RBPMS: variants seen among roughly 807,000 people sequenced by gnomAD.
RBPMS encodes the protein RNA binding protein, mRNA processing factor.
A neutral mutation model predicts 26.8 loss-of-function variants in RBPMS; 7 were observed. The observed-to-expected ratio is 0.26, with a 90% CI of 0.15 to 0.49. The LOEUF (loss-of-function observed/expected upper bound fraction) is 0.49, where lower values mean the gene tolerates loss of function less well. Among genes scored for constraint, RBPMS ranks in the 20% least tolerant of loss-of-function variants. The pLI, the probability that RBPMS is intolerant of heterozygous loss-of-function variation, is 0.98. For missense variants in RBPMS, 186 were observed against 250.0 expected (o/e 0.74, Z 1.73); for synonymous variants, 96 against 93.3 (o/e 1.03, Z -0.17).
At chr8:30,494,746 C>T (rs1019397747) in intron 4 of RBPMS, among the ~76,000 whole-genome samples, 1 of 152,136 alleles carries the variant, frequency 6.6e-6, no homozygotes, top group Non-Finnish European at 1.5e-5. Context: ...TTTCTCGATA[C>T]CTTTGCCAGT....
chr8:30,430,476 A>G (rs962936493), intron 1 of RBPMS, among the ~76,000 whole-genome samples: 11 of 152,330 alleles, frequency 7.2e-5, no homozygotes, highest in African/African-American at 2.2e-4. Flanking sequence ...TTTGTAAAGA[A>G]AACATCTTGT....
At position 30,441,296 on chromosome 8, in the gene RBPMS, C is replaced by T. The variant is rs578169258; in HGVS notation, c.67-33483C>T. ...CACTGTTTTGGGGTTTTTAAACTTACAGCGGGTCTGGTGCAGTGTATCATT... is the reference window on the plus strand; with the variant it reads ...CACTGTTTTGGGGTTTTTAAACTTATAGCGGGTCTGGTGCAGTGTATCATT... On this transcript the variant is annotated intron_variant, in intron 1 of 8. Coordinates refer to ENST00000397323, the MANE Select transcript of RBPMS (RefSeq NM_001008710.3). Among the ~76,000 whole-genome samples, 7 of 152,254 alleles carry T rather than the reference C, an allele frequency of 4.6e-5. No individual in the cohort carries two copies. In the East Asian group the frequency reaches 1.4e-3, roughly 29 times the overall value.
At chr8:30,461,388 AGT>A (rs755661065) in intron 1 of RBPMS, among the ~76,000 whole-genome samples, 1 of 152,036 alleles carries the variant, frequency 6.6e-6, no homozygotes, top group Non-Finnish European at 1.5e-5. Flanking sequence ...TTTCACATAC[AGT>A]GTGTTTGTTT....
intron 6 of RBPMS, chr8:30,556,577 A>G: frequency 1.0e-6 from 1 of 985,210 alleles, no homozygotes; most frequent in African/African-American, 1.8e-5. Flanking sequence ...CCCAACCCAC[A>G]CCCAGGCCGC....
chr8:30,468,127 A>T (rs1295945839), intron 1 of RBPMS, among the ~76,000 whole-genome samples: 2 of 152,170 alleles, frequency 1.3e-5, no homozygotes, highest in South Asian at 2.1e-4. Flanking sequence ...ATATCTACTT[A>T]CTCAGCTTTT....
intron 1 of RBPMS, among the ~76,000 whole-genome samples, chr8:30,452,303 G>A (rs1487973116): frequency 6.6e-6 from 1 of 152,198 alleles, no homozygotes; most frequent in Non-Finnish European, 1.5e-5. Flanking sequence ...AGTAACTCAT[G>A]TTTGATGTAC....
intron 1 of RBPMS, among the ~76,000 whole-genome samples, chr8:30,408,213 C>T (rs16876935): frequency 0.017 from 2,620 of 152,248 alleles, 70 homozygotes; most frequent in African/African-American, 0.059. Context: ...CCATCTAACA[C>T]GAATGGCAGA....
At chr8:30,493,424 A>G (rs1381489731) in intron 4 of RBPMS, among the ~76,000 whole-genome samples, 1 of 152,194 alleles carries the variant, frequency 6.6e-6, no homozygotes, top group Non-Finnish European at 1.5e-5. Context: ...CTGCAATGAA[A>G]GGGACTACTG....
At chr8:30,467,161 A>G (rs925487366) in intron 1 of RBPMS, among the ~76,000 whole-genome samples, 11 of 152,244 alleles carry the variant, frequency 7.2e-5, no homozygotes, top group African/African-American at 2.7e-4. Context: ...TAATGGTTGC[A>G]GTAATCCATT....
At chr8:30,479,228 T>C in intron 3 of RBPMS, 87 bp from the exon 4 acceptor site, 1 of 944,368 alleles carries the variant, frequency 1.1e-6, no homozygotes. Flanking sequence ...TTCTTTATCT[T>C]AGCTCTTCAG....
chr8:30,538,936 A>G (rs1825098194), intron 5 of RBPMS, among the ~76,000 whole-genome samples: 1 of 152,170 alleles, frequency 6.6e-6, no homozygotes, highest in Non-Finnish European at 1.5e-5. Context: ...GCCCTGCACC[A>G]CGGGAGCTGG....
At chr8:30,462,711 G>A (rs544142021) in intron 1 of RBPMS, among the ~76,000 whole-genome samples, 8 of 152,264 alleles carry the variant, frequency 5.3e-5, no homozygotes, top group Middle Eastern at 3.4e-3. Context: ...ACAGACGTGA[G>A]CCACTGTGCC....
intron 4 of RBPMS, among the ~76,000 whole-genome samples, chr8:30,491,313 T>G (rs2150887936): frequency 6.6e-6 from 1 of 152,344 alleles, no homozygotes; most frequent in South Asian, 2.1e-4. Flanking sequence ...TGTCAAGTTG[T>G]ACAGTTTGAA....
intron 5 of RBPMS, among the ~76,000 whole-genome samples, chr8:30,507,722 C>T (rs754793675): frequency 2.6e-5 from 4 of 152,120 alleles, no homozygotes; most frequent in Non-Finnish European, 5.9e-5. Context: ...TTAGATTGTG[C>T]ATTAGGTTGT....
At chr8:30,552,482 C>T (rs941717224) in intron 6 of RBPMS, 14 of 152,192 alleles carry the variant, frequency 9.2e-5, no homozygotes, top group Non-Finnish European at 1.3e-4. Flanking sequence ...GAAAGTGGGA[C>T]ACCCCAACTT....
chr8:30,537,675 G>C, intron 5 of RBPMS: 1 of 455,758 alleles, frequency 2.2e-6, no homozygotes, highest in East Asian at 6.9e-5. Context: ...CTCTGTGAGA[G>C]TCGTTGGGCT....
chr8:30,492,699 A>G (rs1819522013), intron 4 of RBPMS, among the ~76,000 whole-genome samples: 1 of 152,224 alleles, frequency 6.6e-6, no homozygotes. Flanking sequence ...ATGAATTTGC[A>G]CATAAACCCC....
intron 5 of RBPMS, among the ~76,000 whole-genome samples, chr8:30,543,789 C>T (rs901820763): frequency 6.6e-6 from 1 of 152,160 alleles, no homozygotes; most frequent in Admixed American, 6.5e-5. Flanking sequence ...AGACCAGGCA[C>T]TTGGCAATAT....
At chr8:30,469,259 G>A (rs1467099828) in intron 1 of RBPMS, among the ~76,000 whole-genome samples, 2 of 152,194 alleles carry the variant, frequency 1.3e-5, no homozygotes, top group Non-Finnish European at 2.9e-5. Context: ...TCTCTCCAGG[G>A]AAGCTCAAGA....
Sources: gnomAD v4.1 joint callset for allele counts (sites outside exome capture counted in the v4.1 genomes callset) on GRCh38, gnomAD v4.1.1 for gene constraint, MANE v1.5 for transcripts, NCBI Gene and HGNC (gene_info 2026-07-23, HGNC 2026-07-21) for gene names.